The following GAS2 variants were observed in gnomAD, a reference collection of about 807,000 sequenced individuals.
GAS2 encodes growth arrest specific 2, also known as growth arrest-specific protein 2.
In GAS2, 20 loss-of-function variants were observed where a neutral mutation model predicts 37.5. The observed-to-expected ratio is 0.53, with a 90% CI of 0.37 to 0.77. The LOEUF (loss-of-function observed/expected upper bound fraction) is 0.77, where lower values mean the gene tolerates loss of function less well. Among genes scored for constraint, GAS2 ranks in the 30% least tolerant of loss-of-function variants. The pLI is 0.00. For missense variants in GAS2, 336 were observed against 373.4 expected (o/e 0.90, Z 0.82); for synonymous variants, 144 against 132.2 (o/e 1.09, Z -0.61).
intron 3 of GAS2, among the ~76,000 whole-genome samples, chr11:22,692,036 G>A (rs1850268870): frequency 6.6e-6 from 1 of 151,888 alleles, no homozygotes; most frequent in South Asian, 2.1e-4. Context: ...GGGCTTCAAT[G>A]CCATAGCAAT....
In GAS2 at chr11:22,694,881, C is replaced by T. The variant is rs1850420364; in HGVS notation, c.267+9092C>T. On this transcript the variant is annotated intron_variant, in intron 3 of 7. Coordinates refer to ENST00000454584, the MANE Select transcript of GAS2 (RefSeq NM_001143830.3). ...ACTTCTGCCATAATATATTTAGTGG[C>T]ACTCAACATTTTAAATGTATATTGA... 3.9e-5 allele frequency among the ~76,000 whole-genome samples: 6 copies of T among 152,162 alleles called. No individual in the cohort carries two copies. In the South Asian group the frequency reaches 1.2e-3, roughly 32 times the overall value.
intron 1 of GAS2, among the ~76,000 whole-genome samples, chr11:22,671,952 G>A (rs969225584): frequency 1.3e-5 from 2 of 150,896 alleles, no homozygotes; most frequent in African/African-American, 2.4e-5. Flanking sequence ...CAGCCAAACC[G>A]TTGAGTCATT....
intron 5 of GAS2, among the ~76,000 whole-genome samples, chr11:22,747,530 G>A (rs987177339): frequency 6.6e-6 from 1 of 152,026 alleles, no homozygotes; most frequent in African/African-American, 2.4e-5. Context: ...ATCTCTCAAA[G>A]GGCTCCTAAC....
chr11:22,802,662 T>G (rs1459860334), intron 7 of GAS2, among the ~76,000 whole-genome samples: 3 of 152,068 alleles, frequency 2.0e-5, no homozygotes, highest in Non-Finnish European at 4.4e-5. Flanking sequence ...TTGCAACTTA[T>G]AGTGTTGGAG....
chr11:22,737,711 A>G lies in GAS2; in HGVS notation c.416A>G (p.His139Arg), dbSNP rs765949417. The change falls in exon 5 of 8, where the codon CAC (histidine) becomes CGC (arginine). Residue 139 changes from histidine to arginine, a missense_variant. Physicochemically the swap from His to Arg is conservative, Grantham distance 29. Coordinates refer to ENST00000454584, the MANE Select transcript of GAS2 (RefSeq NM_001143830.3). ...CCTCTGTCTTGTCTTTCAGTCCTCC[A>G]CAAGCAACCCAGAGAAGTGTGTCTC... Reference protein sequence around the residue: ...CLFESEGLVLHKQPREVCLCL... With the variant: ...CLFESEGLVLRKQPREVCLCL... 2.5e-6 allele frequency: 4 copies of G among 1,614,096 alleles called. No individual in the cohort carries two copies. The highest frequency in any genetic ancestry group is 3.4e-6 in the Non-Finnish European group (4 of 1,179,984).
At position 22,637,288 on chromosome 11, in the gene GAS2, T is replaced by A. The variant is rs1246571487; in HGVS notation, c.-21+11475T>A. Among the ~76,000 whole-genome samples, 11 of 99,092 alleles carry A rather than the reference T, an allele frequency of 1.1e-4. No individual in the cohort carries two copies. In the East Asian group the frequency reaches 1.5e-3, roughly 14 times the overall value. 65.0% of individuals were successfully genotyped at this position (99,092 alleles called of 152,430 possible). On this transcript the variant is annotated intron_variant, in intron 1 of 5. Transcript: ENST00000528582. ...ATTAATTATATTAATAGTATACTAA[T>A]ATAATATTAATTATATTAATAGTAT...
intron 1 of GAS2, among the ~76,000 whole-genome samples, chr11:22,649,052 T>G (rs1590568866): frequency 6.6e-6 from 1 of 152,326 alleles, no homozygotes; most frequent in South Asian, 2.1e-4. Context: ...TGGCTGTGGG[T>G]TTGTCACAGA....
At chr11:22,680,855 C>G (rs1849648274) in intron 2 of GAS2, among the ~76,000 whole-genome samples, 2 of 152,176 alleles carry the variant, frequency 1.3e-5, no homozygotes. Flanking sequence ...AGCATGGACT[C>G]TGAACCTAAA....
At chr11:22,670,504 T>C (rs1394670020) in intron 1 of GAS2, among the ~76,000 whole-genome samples, 1 of 152,182 alleles carries the variant, frequency 6.6e-6, no homozygotes, top group Non-Finnish European at 1.5e-5. Flanking sequence ...TTCTTAATTA[T>C]TTAGAGTTCT....
intron 3 of GAS2, among the ~76,000 whole-genome samples, chr11:22,721,763 C>T (rs1485593870): frequency 1.3e-5 from 2 of 151,966 alleles, no homozygotes; most frequent in East Asian, 1.9e-4. Flanking sequence ...GAAAACTATT[C>T]AGAAGCTAAG....
At chr11:22,798,248 A>G (rs1590143244) in intron 7 of GAS2, among the ~76,000 whole-genome samples, 1 of 152,072 alleles carries the variant, frequency 6.6e-6, no homozygotes, top group East Asian at 1.9e-4. Context: ...CAACATTATT[A>G]TTTAAAAATA....
intron 7 of GAS2, among the ~76,000 whole-genome samples, chr11:22,808,822 C>T (rs1022021964): frequency 3.9e-5 from 6 of 152,178 alleles, no homozygotes; most frequent in Admixed American, 3.9e-4. Context: ...CTGGCCTTGG[C>T]AGTTTTTGTC....
At chr11:22,738,311 C>T (rs1852861811) in intron 5 of GAS2, among the ~76,000 whole-genome samples, 2 of 152,102 alleles carry the variant, frequency 1.3e-5, no homozygotes, top group Non-Finnish European at 2.9e-5. Flanking sequence ...ATCTTTGAAA[C>T]CTGTTTTTTT....
chr11:22,634,537 G>T (rs182405937), intron 1 of GAS2, among the ~76,000 whole-genome samples: 1 of 152,114 alleles, frequency 6.6e-6, no homozygotes, highest in Non-Finnish European at 1.5e-5. Context: ...GGGACTCAAG[G>T]CCTGCAGTCT....
At chr11:22,715,926 C>A (rs403616) in intron 3 of GAS2, among the ~76,000 whole-genome samples, 134,082 of 152,138 alleles carry the variant, frequency 0.88, 61,328 homozygotes, top group East Asian at 1. Context: ...TCCCTGATGA[C>A]CATAGATGAA....
At chr11:22,730,840 T>C (rs1852436363) in intron 4 of GAS2, among the ~76,000 whole-genome samples, 1 of 151,744 alleles carries the variant, frequency 6.6e-6, no homozygotes, top group Non-Finnish European at 1.5e-5. Context: ...GTAAAAGTTA[T>C]TGGACTGTAT....
At chr11:22,742,160 G>A (rs751348921) in intron 5 of GAS2, among the ~76,000 whole-genome samples, 9 of 151,784 alleles carry the variant, frequency 5.9e-5, no homozygotes, top group Non-Finnish European at 8.8e-5. Flanking sequence ...TTGAGTATTC[G>A]CCCTACTTTC....
chr11:22,727,412 A>G (rs572325855), intron 4 of GAS2, among the ~76,000 whole-genome samples: 1 of 152,076 alleles, frequency 6.6e-6, no homozygotes, highest in Non-Finnish European at 1.5e-5. Flanking sequence ...CAAAATGCCT[A>G]TTGCCCCTAG....
At chr11:22,652,068 T>G (rs1000727958) in intron 1 of GAS2, among the ~76,000 whole-genome samples, 2 of 152,220 alleles carry the variant, frequency 1.3e-5, no homozygotes, top group African/African-American at 4.8e-5. Context: ...TTTTAGTCTT[T>G]GATGATGGTG....
Sources: gnomAD v4.1 joint callset for allele counts (sites outside exome capture counted in the v4.1 genomes callset) on GRCh38, gnomAD v4.1.1 for gene constraint, MANE v1.5 for transcripts, NCBI Gene and HGNC (gene_info 2026-07-23, HGNC 2026-07-21) for gene names.